COX7B2: variants seen among roughly 807,000 people sequenced by gnomAD.
COX7B2 encodes the protein cytochrome c oxidase subunit 7B2, mitochondrial.
For missense variants in COX7B2, 109 were observed against 95.9 expected, an observed-to-expected ratio of 1.14 and a Z score of -0.57; for synonymous variants, 37 against 32.1, an observed-to-expected ratio of 1.15 and a Z score of -0.51.
rs187648983 is a variant in COX7B2 at position 46,762,974 on chromosome 4, A to C, written c.-49-27733T>G. ...TGTCATATATATGTTAAATATATAT[A>C]CCACATATATGTAATATGTATATTA... On this transcript the variant is annotated intron_variant, in intron 2 of 2. Transcript: ENST00000355591. 1.3e-3 allele frequency among the ~76,000 whole-genome samples: 153 copies of C among 114,292 alleles called. 1 individual carries two copies. Among genetic ancestry groups the C allele is most frequent in the African/African-American group, 4.9e-3 (146 of 29,948 alleles). 75.0% of individuals were successfully genotyped at this position (114,292 alleles called of 152,430 possible). A position where few individuals can be genotyped will look rare whatever the true frequency, so the allele number is the denominator to read the frequency against.
At chr4:46,908,756 A>AAAAAAAAAAACC in intron 1 of COX7B2, among the ~76,000 whole-genome samples, 1 of 151,156 alleles carries the variant, frequency 6.6e-6, no homozygotes, top group Non-Finnish European at 1.5e-5. Flanking sequence ...AAAAAAAAAA[A>AAAAAAAAAAACC]TCTGGCCGGG....
At chr4:46,876,347 T>C (rs894312447) in intron 1 of COX7B2, among the ~76,000 whole-genome samples, 2 of 151,628 alleles carry the variant, frequency 1.3e-5, no homozygotes, top group Non-Finnish European at 2.9e-5. Context: ...TATCTCTTTA[T>C]AAAGGGAAGA....
intron 1 of COX7B2, among the ~76,000 whole-genome samples, chr4:46,890,289 T>A (rs1300323266): frequency 6.6e-6 from 1 of 152,236 alleles, no homozygotes; most frequent in South Asian, 2.1e-4. Flanking sequence ...ATCTGGCAAC[T>A]AGCTGCGAAC....
chr4:46,772,945 C>A (rs1289228346), intron 2 of COX7B2, among the ~76,000 whole-genome samples: 1 of 151,862 alleles, frequency 6.6e-6, no homozygotes, highest in Admixed American at 6.6e-5. Context: ...ATTGTTGACT[C>A]TAGAACATAA....
rs571007977 is a variant in COX7B2, at chr4:46,857,262, T to A, written c.-104-12248A>T. On this transcript the variant is annotated intron_variant, in intron 1 of 2. Coordinates refer to ENST00000355591, the MANE Select transcript of COX7B2 (RefSeq NM_130902.3). Reference sequence around the variant, plus strand: ...GAAGATAATAACAACACTTACCCTATCTGGCTCTTGTGAGAATAGAATTAC... The same window carrying A: ...GAAGATAATAACAACACTTACCCTAACTGGCTCTTGTGAGAATAGAATTAC... Among the ~76,000 whole-genome samples the A allele has an allele frequency of 3.3e-5, 5 of 152,360 alleles. No individual in the cohort carries two copies. The East Asian group carries it at 9.6e-4, about 29-fold the overall frequency.
At position 46,812,954 on chromosome 4, in the gene COX7B2, C is replaced by G. The variant is rs187275683; in HGVS notation, c.-50+32006G>C. Among the ~76,000 whole-genome samples, 23 of 152,200 alleles carry G rather than the reference C, an allele frequency of 1.5e-4. 1 individual carries two copies. Among genetic ancestry groups the G allele is most frequent in the African/African-American group, 5.5e-4 (23 of 41,536 alleles). On this transcript the variant is annotated intron_variant, in intron 2 of 2. Transcript: ENST00000355591. ...TATTGCACAGGGCAGGGGGTTACTG[C>G]TCCAGTATGCCAGTGGCTTGAGGTC...
chr4:46,791,649 T>C (rs1409010219), intron 2 of COX7B2, among the ~76,000 whole-genome samples: 3 of 152,178 alleles, frequency 2.0e-5, no homozygotes, highest in Non-Finnish European at 4.4e-5. Flanking sequence ...TAAATCCAAA[T>C]TGTCCATTTC....
intron 1 of COX7B2, among the ~76,000 whole-genome samples, chr4:46,890,296 G>T (rs1310159144): frequency 6.6e-6 from 1 of 151,828 alleles, no homozygotes; most frequent in Non-Finnish European, 1.5e-5. Flanking sequence ...AACTAGCTGC[G>T]AACTATAACA....
intron 2 of COX7B2, among the ~76,000 whole-genome samples, chr4:46,814,222 G>A (rs962192047): frequency 6.6e-6 from 1 of 152,192 alleles, no homozygotes. Context: ...AGACTTATTT[G>A]CCTAATCTTG....
chr4:46,839,847 G>A (rs143388185), intron 2 of COX7B2, among the ~76,000 whole-genome samples: 1 of 152,032 alleles, frequency 6.6e-6, no homozygotes, highest in Admixed American at 6.6e-5. Flanking sequence ...CATGGTAATG[G>A]TGGGTCTTAA....
intron 2 of COX7B2, among the ~76,000 whole-genome samples, chr4:46,806,018 T>C (rs983662949): frequency 6.6e-6 from 1 of 152,200 alleles, no homozygotes; most frequent in Admixed American, 6.5e-5. Flanking sequence ...TAAGGACATA[T>C]ACAGTCTCAG....
chr4:46,822,665 A>G (rs1714386374), intron 2 of COX7B2, among the ~76,000 whole-genome samples: 1 of 152,208 alleles, frequency 6.6e-6, no homozygotes. Context: ...AATTCTATCA[A>G]GATTTCAAAG....
At chr4:46,866,119 T>C (rs1483809647) in intron 1 of COX7B2, among the ~76,000 whole-genome samples, 1 of 152,156 alleles carries the variant, frequency 6.6e-6, no homozygotes, top group Non-Finnish European at 1.5e-5. Context: ...CTAAAATAAA[T>C]GGGATCCAAC....
intron 2 of COX7B2, among the ~76,000 whole-genome samples, chr4:46,759,854 A>G (rs1004736592): frequency 4.0e-5 from 6 of 149,750 alleles, no homozygotes; most frequent in African/African-American, 1.5e-4. Context: ...TATAAGTCAT[A>G]TCTTATATAA....
intron 1 of COX7B2, among the ~76,000 whole-genome samples, chr4:46,852,606 A>G (rs758205238): frequency 9.9e-5 from 15 of 151,690 alleles, no homozygotes; most frequent in Non-Finnish European, 1.9e-4. Context: ...GATTTTCATT[A>G]TTTGCAATTT....
intron 1 of COX7B2, among the ~76,000 whole-genome samples, chr4:46,847,700 A>C (rs1010127590): frequency 6.6e-6 from 1 of 152,090 alleles, no homozygotes; most frequent in Non-Finnish European, 1.5e-5. Flanking sequence ...AGCGCCAATA[A>C]AAAGACCAAG....
intron 2 of COX7B2, among the ~76,000 whole-genome samples, chr4:46,765,519 A>G (rs1716479602): frequency 6.6e-6 from 1 of 152,120 alleles, no homozygotes; most frequent in Non-Finnish European, 1.5e-5. Flanking sequence ...TCCAGACTCA[A>G]GTTCCAGGCT....
chr4:46,828,674 A>C (rs1714854664), intron 2 of COX7B2, among the ~76,000 whole-genome samples: 1 of 152,180 alleles, frequency 6.6e-6, no homozygotes, highest in Admixed American at 6.5e-5. Flanking sequence ...GTAAATCATA[A>C]GAAAATTATG....
chr4:46,860,115 G>C (rs961730508), intron 1 of COX7B2, among the ~76,000 whole-genome samples: 5 of 152,210 alleles, frequency 3.3e-5, no homozygotes, highest in Non-Finnish European at 7.3e-5. Context: ...AAGATGGCAA[G>C]AGTTGGTAAG....
Sources: allele counts gnomAD v4.1 joint callset (sites outside exome capture counted in the v4.1 genomes callset), GRCh38; gene constraint gnomAD v4.1.1; transcripts MANE v1.5; gene names NCBI Gene and HGNC (gene_info 2026-07-23, HGNC 2026-07-21).